The following GDA variants were observed in gnomAD, a reference collection of about 807,000 sequenced individuals.
GDA encodes guanine deaminase, also known as cytoplasmic PSD-95 interactor.
In GDA, 18 loss-of-function variants were observed where a neutral mutation model predicts 59.6. That is an observed-to-expected ratio of 0.30 (90% CI 0.21 to 0.45). The LOEUF is 0.45. GDA is among the 20% of genes least tolerant of loss of function. The pLI, the probability that GDA is intolerant of heterozygous loss-of-function variation, is 1.00. For synonymous variants in GDA, 201 were observed against 201.1 expected, an observed-to-expected ratio of 1.00 and a Z score of 0.00; for missense variants, 427 against 552.3, an observed-to-expected ratio of 0.77 and a Z score of 2.27.
At position 72,149,502 on chromosome 9, in the gene GDA, G is replaced by C; in HGVS notation, c.-58G>C. 6.3e-7 allele frequency: 1 copy of C among 1,594,072 alleles called. No homozygotes were observed. The highest frequency in any genetic ancestry group is 8.5e-7 in the Non-Finnish European group (1 of 1,173,714). ...CCGCAGCTGCAGAGAGTCCCGCTGC[G>C]TCTCCGCCGCGTGCGCCCTCCTCGA... On this transcript the variant is annotated 5_prime_UTR_variant, in exon 1 of 14. Coordinates refer to ENST00000358399, the MANE Select transcript of GDA (RefSeq NM_004293.5).
chr9:72,218,812 T>G (rs568048233), intron 5 of GDA, among the ~76,000 whole-genome samples: 78 of 152,222 alleles, frequency 5.1e-4, no homozygotes, highest in Non-Finnish European at 1.8e-4. Flanking sequence ...TGCATAGGAC[T>G]TCATGACTCT....
downstream of GDA, among the ~76,000 whole-genome samples, chr9:72,255,152 G>C (rs1840855979): frequency 6.6e-6 from 1 of 152,204 alleles, no homozygotes; most frequent in Non-Finnish European, 1.5e-5. Flanking sequence ...TGCAGCTAAA[G>C]TTGACAACAT....
At chr9:72,210,810 G>A (rs2131429448) in intron 4 of GDA, 36 bp downstream of exon 4, 2 of 1,269,708 alleles carry the variant, frequency 1.6e-6, no homozygotes, top group Non-Finnish European at 2.3e-6. Flanking sequence ...GGCACCTCAA[G>A]CAAAGACAGC....
chr9:72,168,150 A>G (rs1829536390), intron 1 of GDA, among the ~76,000 whole-genome samples: 1 of 152,154 alleles, frequency 6.6e-6, no homozygotes, highest in Non-Finnish European at 1.5e-5. Flanking sequence ...TAATCCCAGC[A>G]GATTGGGAGG....
intron 1 of GDA, among the ~76,000 whole-genome samples, chr9:72,180,838 AG>A (rs1831111843): frequency 6.6e-6 from 1 of 152,220 alleles, no homozygotes; most frequent in Non-Finnish European, 1.5e-5. Flanking sequence ...AGTATATTCA[AG>A]GGTTGTTTAG....
At chr9:72,244,940 G>C (rs1157151583) in intron 11 of GDA, among the ~76,000 whole-genome samples, 1 of 152,178 alleles carries the variant, frequency 6.6e-6, no homozygotes, top group African/African-American at 2.4e-5. Flanking sequence ...TTCATTCTCA[G>C]ATTTTGCTTT....
In GDA at chr9:72,213,797, C is replaced by T. The variant is rs370728750; in HGVS notation, c.473-89C>T. ...TGGCCTGGGCTAAACAGCGGGACTC[C>T]GTCTCAAAAAAAAAAAAAAAAAGAA... is the stretch of plus-strand genomic sequence containing the variant. On this transcript the variant is annotated intron_variant, in intron 4 of 13. Transcript: ENST00000358399. 2.3e-3 allele frequency: 1,644 copies of T among 726,834 alleles called. 25 individuals are homozygous for T. In the African/African-American group the frequency reaches 0.03, roughly 13 times the overall value. 45.0% of individuals were successfully genotyped at this position (726,834 alleles called of 1,614,324 possible).
At chr9:72,193,721 C>A (rs1387965028) in intron 1 of GDA, 1 of 152,304 alleles carries the variant, frequency 6.6e-6, no homozygotes. Context: ...GTATCCTTCC[C>A]TTCAGGATAG....
chr9:72,137,857 G>A (rs1157930698), intron 1 of GDA, among the ~76,000 whole-genome samples: 1 of 152,078 alleles, frequency 6.6e-6, no homozygotes, highest in Admixed American at 6.5e-5. Context: ...AAATAAAGAG[G>A]AGAGAAACAC....
At chr9:72,233,470 A>G (rs1168686264) in intron 10 of GDA, among the ~76,000 whole-genome samples, 1 of 152,192 alleles carries the variant, frequency 6.6e-6, no homozygotes. Context: ...AACTGAAAAA[A>G]ATCAGATTAA....
At chr9:72,132,669 T>C (rs1262783213) in intron 1 of GDA, among the ~76,000 whole-genome samples, 5 of 152,188 alleles carry the variant, frequency 3.3e-5, no homozygotes, top group Non-Finnish European at 7.3e-5. Context: ...AAAGCACTGC[T>C]ATGGTTGTCC....
intron 10 of GDA, among the ~76,000 whole-genome samples, chr9:72,232,153 T>A (rs111847810): frequency 9.4e-4 from 143 of 152,288 alleles, no homozygotes; most frequent in Non-Finnish European, 1.7e-3. Flanking sequence ...GAATTAAAAA[T>A]TTTTTTAATG....
downstream of GDA, among the ~76,000 whole-genome samples, chr9:72,255,390 C>G (rs909290840): frequency 1.3e-5 from 2 of 152,182 alleles, no homozygotes; most frequent in Admixed American, 6.5e-5. Context: ...TGGTAGCCAT[C>G]TGCTGGTTCC....
intron 1 of GDA, among the ~76,000 whole-genome samples, chr9:72,175,732 T>C (rs1458438953): frequency 6.6e-6 from 1 of 151,070 alleles, no homozygotes; most frequent in Non-Finnish European, 1.5e-5. Context: ...GAAGAATTAA[T>C]TTTAGAGTCC....
At chr9:72,162,713 G>T (rs369545568) in intron 1 of GDA, among the ~76,000 whole-genome samples, 3 of 151,448 alleles carry the variant, frequency 2.0e-5, no homozygotes, top group Non-Finnish European at 2.9e-5. Flanking sequence ...GCTGGAGTGC[G>T]GTGGCGTGGT....
At chr9:72,245,408 G>T in intron 12 of GDA, 130 bp downstream of exon 12, 1 of 639,602 alleles carries the variant, frequency 1.6e-6, no homozygotes, top group Non-Finnish European at 2.8e-6. Context: ...GGACGCTAGA[G>T]CCCTTTGATA....
rs1840619183 is a variant in GDA, at chr9:72,250,951, G to A, written c.*2609G>A. ...GGTAAATTTCATTTTCAAACGAGAG[G>A]GAAACATGGGAAGTAAAAGATTAGG... On this transcript the variant is annotated 3_prime_UTR_variant, in exon 14 of 14. Transcript: ENST00000358399. 1.3e-6 allele frequency: 1 copy of A among 798,744 alleles called. No homozygotes were observed. The highest frequency in any genetic ancestry group is 2.0e-6 in the Non-Finnish European group (1 of 493,574). The allele number at this position is 798,744 out of a possible 1,614,324, so 49.5% of individuals were successfully genotyped here.
At chr9:72,178,429 T>C (rs1830784795) in intron 1 of GDA, among the ~76,000 whole-genome samples, 1 of 150,782 alleles carries the variant, frequency 6.6e-6, no homozygotes, top group African/African-American at 2.4e-5. Context: ...TTTTTTTTTT[T>C]TTTTTGAGAT....
chr9:72,182,557 A>T (rs938559823), intron 1 of GDA, among the ~76,000 whole-genome samples: 11 of 152,142 alleles, frequency 7.2e-5, no homozygotes, highest in African/African-American at 2.7e-4. Context: ...GGTGATGTTA[A>T]CTTTGGTCAC....
Sources: allele counts gnomAD v4.1 joint callset (sites outside exome capture counted in the v4.1 genomes callset), GRCh38; gene constraint gnomAD v4.1.1; transcripts MANE v1.5; gene names NCBI Gene and HGNC (gene_info 2026-07-23, HGNC 2026-07-21).